HDAC9: variants seen among roughly 807,000 people sequenced by gnomAD.
HDAC9 encodes histone deacetylase 9.
Under a neutral mutation model 139.4 loss-of-function variants are expected in HDAC9, and 41 were observed. That is an observed-to-expected ratio of 0.29 (90% CI 0.23 to 0.38). The LOEUF (loss-of-function observed/expected upper bound fraction) is 0.38. Among genes scored for constraint, HDAC9 ranks in the 10% least tolerant of loss-of-function variants. The pLI, the probability that HDAC9 is intolerant of heterozygous loss-of-function variation, is 1.00. For missense variants in HDAC9, 1,147 were observed against 1,297.0 expected (o/e 0.88, Z 1.78); for synonymous variants, 517 against 476.2 (o/e 1.09, Z -1.12).
chr7:18,615,891 A>G (rs1838440625), intron 6 of HDAC9, among the ~76,000 whole-genome samples: 1 of 152,184 alleles, frequency 6.6e-6, no homozygotes, highest in African/African-American at 2.4e-5. Context: ...TTATTACTTT[A>G]CACTGCTGGA....
chr7:18,411,310 G>A (rs1381822018), intron 1 of HDAC9, among the ~76,000 whole-genome samples: 1 of 152,152 alleles, frequency 6.6e-6, no homozygotes, highest in African/African-American at 2.4e-5. Context: ...AAATCAAACT[G>A]CAAATACACA....
At chr7:18,310,198 T>A (rs1799213657) in intron 1 of HDAC9, among the ~76,000 whole-genome samples, 1 of 152,110 alleles carries the variant, frequency 6.6e-6, no homozygotes, top group African/African-American at 2.4e-5. Flanking sequence ...TCAGGAATGG[T>A]TCCCAGGCTT....
chr7:18,728,981 T>G (rs532901389), intron 13 of HDAC9, among the ~76,000 whole-genome samples: 1 of 152,282 alleles, frequency 6.6e-6, no homozygotes, highest in Admixed American at 6.5e-5. Flanking sequence ...TCCAGGAGCA[T>G]AGCAAAACTG....
At position 18,135,046 on chromosome 7, in the gene HDAC9, A is replaced by T. The variant is rs1023485462; in HGVS notation, c.-96-27183A>T. Among the ~76,000 whole-genome samples, 15 of 152,130 alleles carry T rather than the reference A, an allele frequency of 9.9e-5. 1 individual carries two copies. Among genetic ancestry groups the T allele is most frequent in the Non-Finnish European group, 1.6e-4 (11 of 68,020 alleles). On this transcript the variant is annotated intron_variant, in intron 1 of 12. Transcript: ENST00000417496. ...CTGGAAGCATGATAGTAATAGTAGT[A>T]ATGGTAGTGATATAATGAGTTCATC...
intron 21 of HDAC9, among the ~76,000 whole-genome samples, chr7:18,855,970 T>C (rs578236876): frequency 6.6e-6 from 1 of 152,258 alleles, no homozygotes; most frequent in African/African-American, 2.4e-5. Flanking sequence ...ACCTTGACTC[T>C]GCACTGGGAT....
chr7:18,415,328 C>T (rs1311619402), intron 1 of HDAC9, among the ~76,000 whole-genome samples: 1 of 152,198 alleles, frequency 6.6e-6, no homozygotes, highest in Non-Finnish European at 1.5e-5. Flanking sequence ...TTTAAAAATA[C>T]TGAAATATTT....
chr7:18,151,421 A>G (rs2128119532), intron 1 of HDAC9, among the ~76,000 whole-genome samples: 1 of 152,320 alleles, frequency 6.6e-6, no homozygotes, highest in East Asian at 1.9e-4. Flanking sequence ...GTTCTGAGTG[A>G]GTTAGCTTAA....
intron 2 of HDAC9, among the ~76,000 whole-genome samples, chr7:18,260,319 T>TG (rs1795574053): frequency 6.0e-5 from 8 of 133,772 alleles, no homozygotes; most frequent in Admixed American, 1.7e-4. Flanking sequence ...TTGTTTTTTT[T>TG]TTTGTTTTTT....
intron 12 of HDAC9, chr7:18,667,324 G>C (rs879650892): frequency 4.1e-5 from 40 of 984,740 alleles, no homozygotes; most frequent in Non-Finnish European, 4.7e-5. Flanking sequence ...ACAGTAACAG[G>C]ATGAATATTA....
At chr7:18,344,721 G>A (rs1782270794) in intron 1 of HDAC9, among the ~76,000 whole-genome samples, 1 of 151,904 alleles carries the variant, frequency 6.6e-6, no homozygotes. Context: ...ATATGCTGTG[G>A]CATTTTGGCA....
chr7:18,732,948 CGT>C (rs1322276005), intron 13 of HDAC9, among the ~76,000 whole-genome samples: 1 of 116,726 alleles, frequency 8.6e-6, no homozygotes, highest in Non-Finnish European at 1.6e-5. Context: ...TGTATACACA[CGT>C]GTATGTGTGT....
intron 16 of HDAC9, among the ~76,000 whole-genome samples, chr7:18,774,620 G>A (rs1485999238): frequency 1.3e-5 from 2 of 152,036 alleles, no homozygotes; most frequent in African/African-American, 4.8e-5. Flanking sequence ...TTCAGTGAGT[G>A]GTAATCTTTT....
intron 22 of HDAC9, among the ~76,000 whole-genome samples, chr7:18,933,502 T>A (rs993401305): frequency 6.6e-6 from 1 of 152,020 alleles, no homozygotes; most frequent in African/African-American, 2.4e-5. Flanking sequence ...AAACATCACA[T>A]TGGAGGTTAG....
intron 2 of HDAC9, among the ~76,000 whole-genome samples, chr7:18,187,595 T>C (rs1404435017): frequency 6.6e-6 from 1 of 152,204 alleles, no homozygotes; most frequent in African/African-American, 2.4e-5. Context: ...AACCTTGTCT[T>C]CCATTTTTGT....
At chr7:18,805,361 G>A (rs1585068230) in intron 17 of HDAC9, among the ~76,000 whole-genome samples, 1 of 152,182 alleles carries the variant, frequency 6.6e-6, no homozygotes, top group East Asian at 1.9e-4. Context: ...TCAGGAGTTT[G>A]AGAGCTTATG....
chr7:18,584,938 T>G (rs1829003870), intron 2 of HDAC9, among the ~76,000 whole-genome samples: 2 of 152,224 alleles, frequency 1.3e-5, no homozygotes, highest in Non-Finnish European at 1.5e-5. Context: ...TTCCATTTTT[T>G]TTTTTGTCCT....
intron 1 of HDAC9, among the ~76,000 whole-genome samples, chr7:18,462,350 A>G (rs1449591980): frequency 6.6e-6 from 1 of 151,918 alleles, no homozygotes; most frequent in African/African-American, 2.4e-5. Flanking sequence ...TCACATTATT[A>G]CTCGATTATT....
At chr7:18,315,347 A>G (rs1799567704) in intron 1 of HDAC9, among the ~76,000 whole-genome samples, 1 of 152,148 alleles carries the variant, frequency 6.6e-6, no homozygotes, top group African/African-American at 2.4e-5. Flanking sequence ...TTTAGAATAT[A>G]TAAAGGAACT....
chr7:18,636,208 A>C (rs913327696), intron 8 of HDAC9, among the ~76,000 whole-genome samples: 2 of 152,086 alleles, frequency 1.3e-5, no homozygotes, highest in Non-Finnish European at 2.9e-5. Context: ...AGATCCTGCA[A>C]ACACTAAGCT....
Sources: allele counts gnomAD v4.1 joint callset (sites outside exome capture counted in the v4.1 genomes callset), GRCh38; gene constraint gnomAD v4.1.1; transcripts MANE v1.5; gene names NCBI Gene and HGNC (gene_info 2026-07-23, HGNC 2026-07-21).